DLG2: variants seen among roughly 807,000 people sequenced by gnomAD.
The protein encoded by DLG2 is disks large homolog 2.
DLG2 carries 45 observed loss-of-function variants against 132.5 expected under a neutral mutation model. That is an observed-to-expected ratio of 0.34 (90% confidence interval 0.27 to 0.44). The LOEUF is 0.44. Ranked by LOEUF, DLG2 falls within the 20% of genes least tolerant of loss-of-function variation. The probability of loss-of-function intolerance (pLI) is 1.00; values close to 1 mark genes in which losing one functional copy is unlikely to be tolerated. For missense variants in DLG2, 1,045 were observed against 1,196.9 expected (o/e 0.87, Z 1.87); for synonymous variants, 424 against 419.6 (o/e 1.01, Z -0.13).
intron 8 of DLG2, among the ~76,000 whole-genome samples, chr11:84,192,682 A>G (rs1204134199): frequency 6.6e-6 from 1 of 152,162 alleles, no homozygotes; most frequent in Non-Finnish European, 1.5e-5. Flanking sequence ...GTGAGCCAAG[A>G]TCGCACCACT....
chr11:84,798,761 G>T (rs770161869), intron 6 of DLG2, among the ~76,000 whole-genome samples: 5 of 152,136 alleles, frequency 3.3e-5, no homozygotes, highest in Admixed American at 6.5e-5. Context: ...GTTATTCAGG[G>T]CCCAAGGGCA....
At chr11:85,624,646 T>C (rs945450231) in intron 2 of DLG2, among the ~76,000 whole-genome samples, 6 of 152,226 alleles carry the variant, frequency 3.9e-5, no homozygotes, top group African/African-American at 7.2e-5. Flanking sequence ...CATAACTTGT[T>C]TGGCTAGTTG....
chr11:84,149,806 G>A (rs757938397), intron 9 of DLG2, among the ~76,000 whole-genome samples: 6 of 151,730 alleles, frequency 4.0e-5, no homozygotes, highest in Non-Finnish European at 8.8e-5. Flanking sequence ...ATTGCATCTC[G>A]TGATGCAATG....
At chr11:85,340,853 A>T (rs2082444392) in intron 3 of DLG2, among the ~76,000 whole-genome samples, 1 of 152,168 alleles carries the variant, frequency 6.6e-6, no homozygotes, top group Non-Finnish European at 1.5e-5. Flanking sequence ...ATGAAAGAGG[A>T]ATTCATGCAT....
At chr11:83,888,159 T>C (rs1157069715) in intron 15 of DLG2, among the ~76,000 whole-genome samples, 2 of 151,010 alleles carry the variant, frequency 1.3e-5, no homozygotes, top group African/African-American at 4.9e-5. Context: ...GAAGTCAAAT[T>C]GTCCCTGTTT....
At chr11:85,009,498 GC>G (rs1356398708) in intron 6 of DLG2, among the ~76,000 whole-genome samples, 1 of 152,006 alleles carries the variant, frequency 6.6e-6, no homozygotes, top group East Asian at 1.9e-4. Flanking sequence ...TAGGCCAAGT[GC>G]AAAATCAGAC....
At chr11:84,064,300 G>T (rs1292488568) in intron 10 of DLG2, among the ~76,000 whole-genome samples, 2 of 152,098 alleles carry the variant, frequency 1.3e-5, no homozygotes, top group African/African-American at 4.8e-5. Flanking sequence ...TTTAATTTGG[G>T]TCCTTTGTGG....
intron 11 of DLG2, among the ~76,000 whole-genome samples, chr11:84,033,647 G>A (rs564838223): frequency 1.3e-5 from 2 of 152,294 alleles, no homozygotes; most frequent in African/African-American, 4.8e-5. Context: ...TCTAATGTGG[G>A]TAAAACGCTA....
intron 3 of DLG2, among the ~76,000 whole-genome samples, chr11:85,504,059 T>C (rs1008189564): frequency 1.2e-4 from 19 of 152,172 alleles, no homozygotes; most frequent in African/African-American, 4.6e-4. Flanking sequence ...GAGGGGGATG[T>C]TTGATTTTTT....
intron 4 of DLG2, among the ~76,000 whole-genome samples, chr11:85,166,224 T>G (rs781328791): frequency 1.2e-4 from 18 of 152,162 alleles, no homozygotes; most frequent in Non-Finnish European, 1.9e-4. Flanking sequence ...TTCTTCCTTT[T>G]AACTCCTGAA....
chr11:84,519,139 C>T (rs1463720658), intron 7 of DLG2, among the ~76,000 whole-genome samples: 1 of 152,120 alleles, frequency 6.6e-6, no homozygotes, highest in Non-Finnish European at 1.5e-5. Context: ...AATTCTGAAC[C>T]TGTCAATACC....
intron 7 of DLG2, among the ~76,000 whole-genome samples, chr11:84,502,435 C>A (rs2099222537): frequency 7.0e-6 from 1 of 143,606 alleles, no homozygotes; most frequent in Middle Eastern, 3.4e-3. Context: ...CTCATGCTGT[C>A]ACCCAGGCTA....
At chr11:84,690,192 G>T (rs2057857403) in intron 6 of DLG2, among the ~76,000 whole-genome samples, 1 of 151,774 alleles carries the variant, frequency 6.6e-6, no homozygotes. Context: ...TTAGACTGGA[G>T]TAATCAGTTT....
At chr11:85,011,874 A>G (rs948005852) in intron 6 of DLG2, among the ~76,000 whole-genome samples, 2 of 152,216 alleles carry the variant, frequency 1.3e-5, no homozygotes, top group African/African-American at 4.8e-5. Context: ...ATCATGTATT[A>G]CCAATAGTAT....
intron 7 of DLG2, among the ~76,000 whole-genome samples, chr11:84,357,242 T>C (rs1054200539): frequency 6.6e-6 from 1 of 152,054 alleles, no homozygotes; most frequent in East Asian, 1.9e-4. Flanking sequence ...CAATTCCTGT[T>C]GTCTCATTTA....
intron 6 of DLG2, chr11:85,020,704 A>G: frequency 1.9e-6 from 1 of 538,070 alleles, no homozygotes; most frequent in South Asian, 1.5e-5. Flanking sequence ...TGGTGCTGGG[A>G]AAACTGGCTA....
intron 7 of DLG2, among the ~76,000 whole-genome samples, chr11:84,330,762 G>A (rs1343471539): frequency 2.6e-5 from 4 of 152,126 alleles, no homozygotes; most frequent in East Asian, 3.9e-4. Flanking sequence ...AAACCTCAGT[G>A]TTCAGTCCCA....
chr11:83,827,439 C>T (rs1453717464), intron 17 of DLG2, among the ~76,000 whole-genome samples: 1 of 152,148 alleles, frequency 6.6e-6, no homozygotes, highest in Non-Finnish European at 1.5e-5. Context: ...CTCATTTTTA[C>T]TCTTTTTAAA....
chr11:85,274,472 TA>T (rs1278745620), intron 4 of DLG2, among the ~76,000 whole-genome samples: 1 of 152,182 alleles, frequency 6.6e-6, no homozygotes, highest in Non-Finnish European at 1.5e-5. Flanking sequence ...TTTGAATAAA[TA>T]ACTAGGTACT....
Sources: allele counts gnomAD v4.1 joint callset (sites outside exome capture counted in the v4.1 genomes callset), GRCh38; gene constraint gnomAD v4.1.1; transcripts MANE v1.5; gene names NCBI Gene and HGNC (gene_info 2026-07-23, HGNC 2026-07-21).